Variants in USP43 observed in about 807,000 individuals in gnomAD.
The protein encoded by USP43 is ubiquitin specific peptidase 43.
In USP43, 33 loss-of-function variants were observed where a neutral mutation model predicts 90.7. The ratio of observed to expected loss-of-function variants is 0.36; its 90% CI spans 0.28 to 0.49. The LOEUF (loss-of-function observed/expected upper bound fraction) is 0.49. Ranked by LOEUF, USP43 falls within the 20% of genes least tolerant of loss-of-function variation. USP43 has a pLI of 0.98. For synonymous variants in USP43, 598 were observed against 615.8 expected, an observed-to-expected ratio of 0.97 and a Z score of 0.43; for missense variants, 1,274 against 1,476.4, an observed-to-expected ratio of 0.86 and a Z score of 2.25.
chr17:9,685,047 G>A (rs1191225537), intron 7 of USP43, among the ~76,000 whole-genome samples: 1 of 152,136 alleles, frequency 6.6e-6, no homozygotes, highest in Non-Finnish European at 1.5e-5. Context: ...TCTAGTTCCT[G>A]CGATAAGCAA....
intron 3 of USP43, among the ~76,000 whole-genome samples, chr17:9,670,660 G>A (rs780737404): frequency 7.9e-5 from 12 of 152,186 alleles, no homozygotes; most frequent in Middle Eastern, 3.4e-3. Flanking sequence ...AGGAAAAATC[G>A]AGGGTGCTTT....
chr17:9,701,740 C>T lies in USP43; in HGVS notation c.2011+40C>T. ...GCCTTTCTGCAAATGCAGCTGTGGC[C>T]ACAGCCTCGAGATGTCCCTGGAATG... On this transcript the variant is annotated intron_variant, in intron 12 of 14. Transcript: ENST00000285199. This position sits in a 1 kb window ranked among gnomAD's most constrained non-coding sequence, Gnocchi z 7.2. The T allele has an allele frequency of 4.1e-6, 6 of 1,474,532 alleles. No individual in the cohort carries two copies. The highest frequency in any genetic ancestry group is 5.4e-6 in the Non-Finnish European group (6 of 1,101,318). 91.3% of individuals were successfully genotyped at this position (1,474,532 alleles called of 1,614,324 possible).
intron 1 of USP43, among the ~76,000 whole-genome samples, chr17:9,653,612 A>G (rs1298653901): frequency 6.6e-6 from 1 of 151,540 alleles, no homozygotes; most frequent in African/African-American, 2.4e-5. Flanking sequence ...AAAAAAAGTA[A>G]AGGTCTAGAC....
At chr17:9,700,376 C>A in intron 10 of USP43, 127 bp downstream of exon 10, 1 of 847,034 alleles carries the variant, frequency 1.2e-6, no homozygotes, top group Non-Finnish European at 1.8e-6. Flanking sequence ...CCAGTGTAAC[C>A]CGTTCCTGTG....
intron 14 of USP43, among the ~76,000 whole-genome samples, chr17:9,713,325 G>A (rs772493124): frequency 6.6e-6 from 1 of 152,088 alleles, no homozygotes; most frequent in East Asian, 1.9e-4. Context: ...CTGACCTCAC[G>A]TGATCTGCCT....
intron 14 of USP43, among the ~76,000 whole-genome samples, chr17:9,713,814 G>T (rs1466511962): frequency 2.6e-5 from 4 of 152,220 alleles, no homozygotes; most frequent in African/African-American, 9.6e-5. Context: ...CACAGTTAAT[G>T]AGGTGGGAGA....
chr17:9,711,740 C>T (rs1231995873), intron 13 of USP43, among the ~76,000 whole-genome samples: 5 of 152,126 alleles, frequency 3.3e-5, no homozygotes, highest in African/African-American at 1.2e-4. Context: ...CCATGCTTTC[C>T]TTTTTGTGCT....
In USP43 at chr17:9,666,761, G is replaced by A. The variant is rs370504681; in HGVS notation, c.740+10G>A. On this transcript the variant is annotated intron_variant, in intron 3 of 14. Transcript: ENST00000285199. ...TTCAAGCACAATATAGGTAAGATGG[G>A]GATGTGTTTAGAATGTATCACCCGA... 1.1e-4 allele frequency: 184 copies of A among 1,603,898 alleles called. No individual in the cohort carries two copies. Among genetic ancestry groups the A allele is most frequent in the Non-Finnish European group, 1.5e-4 (177 of 1,173,462 alleles).
At position 9,682,882 on chromosome 17, in the gene USP43, T is replaced by C. The variant is rs1353182306; in HGVS notation, c.1165T>C (p.Ser389Pro). The C allele has an allele frequency of 6.2e-7, 1 of 1,613,930 alleles. No individual in the cohort carries two copies. The highest frequency in any genetic ancestry group is 8.5e-7 in the Non-Finnish European group (1 of 1,179,892). ...RLAAREGQRFSLSLHSESKVL... is the reference protein window; with the variant it reads ...RLAAREGQRFPLSLHSESKVL... ...GGCAGCCCGTGAGGGCCAGCGATTC[T>C]CCCTCTCTCTCCACAGTGAGAGCAA... Residue 389 changes from serine (S) to proline (P), a missense_variant, in exon 7 of 15, where the codon TCC becomes CCC. Transcript: ENST00000285199.
In USP43 at chr17:9,729,212, G is replaced by C; in HGVS notation, c.*222G>C. Reference sequence around the variant, plus strand: ...ACCTTCCTGCATCATTGGGTGCTTTGCTACAGTTTGGCCACTAGAGGATGC... The same window carrying C: ...ACCTTCCTGCATCATTGGGTGCTTTCCTACAGTTTGGCCACTAGAGGATGC... On this transcript the variant is annotated 3_prime_UTR_variant, in exon 15 of 15. Transcript: ENST00000285199. The C allele has an allele frequency of 2.7e-6, 1 of 370,856 alleles. No individual in the cohort carries two copies. The highest frequency in any genetic ancestry group is 4.7e-6 in the Non-Finnish European group (1 of 212,958). 23.0% of individuals were successfully genotyped at this position (370,856 alleles called of 1,614,324 possible). A position where few individuals can be genotyped will look rare whatever the true frequency, so the allele number is the denominator to read the frequency against.
intron 3 of USP43, among the ~76,000 whole-genome samples, chr17:9,672,559 A>G (rs1490611392): frequency 1.3e-5 from 2 of 152,196 alleles, no homozygotes; most frequent in Non-Finnish European, 2.9e-5. Flanking sequence ...CCAATGACCC[A>G]AGTATATCCT....
In USP43 at chr17:9,686,698, T is replaced by C. The variant is rs572596903; in HGVS notation, c.1242-100T>C. On this transcript the variant is annotated intron_variant, in intron 7 of 14. Transcript: ENST00000285199. This position sits in a 1 kb window ranked among gnomAD's most constrained non-coding sequence, Gnocchi z 5.5. ...TTTTGTGCTTAGCTCTTGTCACTTATCCTATTGACAGGAAGCCAGGGTTAG... is the reference window on the plus strand; with the variant it reads ...TTTTGTGCTTAGCTCTTGTCACTTACCCTATTGACAGGAAGCCAGGGTTAG... 1 of 961,696 alleles carries C rather than the reference T, an allele frequency of 1.0e-6. No homozygotes were observed. The highest frequency in any genetic ancestry group is 1.5e-5 in the South Asian group (1 of 65,566). The allele number at this position is 961,696 out of a possible 1,614,324, so 59.6% of individuals were successfully genotyped here.
chr17:9,696,085 G>A (rs1249315424), intron 9 of USP43, among the ~76,000 whole-genome samples: 1 of 151,882 alleles, frequency 6.6e-6, no homozygotes, highest in African/African-American at 2.4e-5. Context: ...TTGGGTCTCA[G>A]CATTCTACCC....
chr17:9,708,828 C>T (rs963704988), intron 12 of USP43, among the ~76,000 whole-genome samples: 5 of 152,110 alleles, frequency 3.3e-5, no homozygotes, highest in East Asian at 3.9e-4. Flanking sequence ...GGGGTTTCAC[C>T]ATGTTGGCCA....
intron 14 of USP43, among the ~76,000 whole-genome samples, chr17:9,719,609 G>C (rs145261472): frequency 5.3e-4 from 81 of 152,306 alleles, no homozygotes; most frequent in Admixed American, 1.2e-3. Context: ...TGGGTGCCAG[G>C]TCTTGGCTCT....
intron 14 of USP43, 140 bp from the exon 15 acceptor site, chr17:9,727,814 C>T (rs1171151065): frequency 1.1e-6 from 1 of 902,300 alleles, no homozygotes; most frequent in Non-Finnish European, 1.6e-6. Flanking sequence ...AAGGCAGGAA[C>T]CCTATGTGGC....
chr17:9,681,462 TTATA>T (rs1184883523), intron 6 of USP43, among the ~76,000 whole-genome samples: 108 of 18,510 alleles, frequency 5.8e-3, no homozygotes, highest in Middle Eastern at 0.045. Context: ...ATAAAATATA[TTATA>T]TATATATATA....
chr17:9,728,710 G>A lies in USP43; in HGVS notation c.3092G>A (p.Ser1031Asn). The A allele has an allele frequency of 6.2e-7, 1 of 1,603,474 alleles. No individual in the cohort carries two copies. The highest frequency in any genetic ancestry group is 2.3e-5 in the East Asian group (1 of 44,378). Residue 1031 changes from serine (S) to asparagine (N), a missense_variant, in exon 15 of 15, where the codon AGC becomes AAC. By Grantham distance (46) the Ser-to-Asn change is conservative (BLOSUM62 1). Transcript: ENST00000285199. This position sits in a 1 kb window ranked among gnomAD's most constrained non-coding sequence, Gnocchi z 6.2. ...GTCTCCCTGGTGAGTGGCGGGCTGAGCCCTGCCATGGACGGGCAGGCTCCA... is the reference window on the plus strand; with the variant it reads ...GTCTCCCTGGTGAGTGGCGGGCTGAACCCTGCCATGGACGGGCAGGCTCCA... ...PPVSLVSGGL[S>N]PAMDGQAPGS...
At chr17:9,669,002 ATT>A (rs763089436) in intron 3 of USP43, among the ~76,000 whole-genome samples, 11 of 144,838 alleles carry the variant, frequency 7.6e-5, no homozygotes, top group South Asian at 2.2e-4. Flanking sequence ...TGCCTGGCTA[ATT>A]TTTTTTTTTT....
Sources: gnomAD v4.1 joint callset for allele counts (sites outside exome capture counted in the v4.1 genomes callset) on GRCh38, gnomAD v4.1.1 for gene constraint, Gnocchi (gnomAD v3.1) non-coding constraint, MANE v1.5 for transcripts, NCBI Gene and HGNC (gene_info 2026-07-23, HGNC 2026-07-21) for gene names.